Variants in ERBB4 observed in about 807,000 individuals in gnomAD.
ERBB4 encodes erb-b2 receptor tyrosine kinase 4.
ERBB4 carries 42 observed loss-of-function variants against 158.0 expected under a neutral mutation model. The ratio of observed to expected loss-of-function variants is 0.27; its 90% CI spans 0.21 to 0.34. ERBB4 has a LOEUF of 0.34. Ranked by LOEUF, ERBB4 falls within the 10% of genes least tolerant of loss-of-function variation. ERBB4 has a pLI of 1.00. For missense variants in ERBB4, 1,333 were observed against 1,624.1 expected, an observed-to-expected ratio of 0.82 and a Z score of 3.08; for synonymous variants, 583 against 558.7, an observed-to-expected ratio of 1.04 and a Z score of -0.61.
At chr2:211,772,916 CACACA>C (rs2075745884) in intron 4 of ERBB4, among the ~76,000 whole-genome samples, 2 of 63,284 alleles carry the variant, frequency 3.2e-5, no homozygotes, top group Non-Finnish European at 5.7e-5. Flanking sequence ...TATACACACA[CACACA>C]CACATATATA....
intron 4 of ERBB4, among the ~76,000 whole-genome samples, chr2:211,771,734 T>G (rs921573833): frequency 1.3e-5 from 2 of 152,078 alleles, no homozygotes; most frequent in Non-Finnish European, 2.9e-5. Context: ...GTGTGTGTGT[T>G]TTATTCAGCA....
chr2:211,426,697 A>G (rs1486187945), intron 22 of ERBB4, among the ~76,000 whole-genome samples: 2 of 151,646 alleles, frequency 1.3e-5, no homozygotes, highest in Admixed American at 1.3e-4. Flanking sequence ...GAGACTGCCT[A>G]TATATCTTGA....
intron 1 of ERBB4, among the ~76,000 whole-genome samples, chr2:212,169,077 T>C (rs1398748625): frequency 1.3e-5 from 2 of 152,186 alleles, no homozygotes; most frequent in Non-Finnish European, 2.9e-5. Context: ...TTGGAGAATA[T>C]GCAAATCATT....
At chr2:211,758,828 C>G (rs1270561567) in intron 4 of ERBB4, among the ~76,000 whole-genome samples, 1 of 152,184 alleles carries the variant, frequency 6.6e-6, no homozygotes, top group Non-Finnish European at 1.5e-5. Context: ...CAAGGATGTT[C>G]TAAGCATTTT....
chr2:211,387,975 G>T lies in ERBB4; in HGVS notation c.3153C>A (p.Ser1051Arg). The stretch of plus-strand genomic sequence containing the variant: ...ACATGGGGGTGTAGGCAGGAGGAGG[G>T]CTGTGTCCAATTTCACTCTAATAGG... The part of the protein sequence containing the change: ...IDSNRSEIGH[S>R]PPPAYTPMSG... The change falls in exon 26 of 28, where the codon AGC (serine) becomes AGA (arginine). Residue 1051 changes from serine to arginine, a missense_variant. Transcript: ENST00000342788. 1 of 1,606,690 alleles carries T rather than the reference G, an allele frequency of 6.2e-7. No individual in the cohort carries two copies. Among genetic ancestry groups the T allele is most frequent in the Non-Finnish European group, 8.5e-7 (1 of 1,173,422 alleles).
intron 3 of ERBB4, among the ~76,000 whole-genome samples, chr2:211,887,320 T>C (rs527538719): frequency 6.6e-6 from 1 of 151,726 alleles, no homozygotes; most frequent in African/African-American, 2.4e-5. Context: ...AAGTAGTGAT[T>C]AGTTAATGAC....
chr2:212,486,019 G>A (rs1041646502), intron 1 of ERBB4, among the ~76,000 whole-genome samples: 8 of 151,902 alleles, frequency 5.3e-5, no homozygotes, highest in African/African-American at 1.2e-4. Flanking sequence ...CACAGCATAC[G>A]TGATGAGAAA....
At chr2:211,486,956 A>G (rs1001192684) in intron 20 of ERBB4, among the ~76,000 whole-genome samples, 32 of 145,972 alleles carry the variant, frequency 2.2e-4, no homozygotes, top group Non-Finnish European at 3.8e-4. Context: ...ATATTCTTAA[A>G]ATAATCTATT....
chr2:211,521,452 T>C (rs547571475), intron 20 of ERBB4, among the ~76,000 whole-genome samples: 9 of 152,268 alleles, frequency 5.9e-5, no homozygotes, highest in South Asian at 2.1e-4. Flanking sequence ...CAGAGGTTGG[T>C]TCATGAGGTA....
intron 1 of ERBB4, among the ~76,000 whole-genome samples, chr2:212,441,287 G>C (rs750852744): frequency 1.3e-5 from 2 of 152,190 alleles, no homozygotes; most frequent in Non-Finnish European, 2.9e-5. Context: ...ATCTTTGTCT[G>C]AGGAGATAAA....
chr2:211,767,441 C>A, intron 4 of ERBB4, among the ~76,000 whole-genome samples: 1 of 152,230 alleles, frequency 6.6e-6, no homozygotes, highest in East Asian at 1.9e-4. Flanking sequence ...TATTATTTGA[C>A]TCAATATATA....
intron 3 of ERBB4, among the ~76,000 whole-genome samples, chr2:211,835,744 G>A (rs2077327762): frequency 1.3e-5 from 2 of 152,188 alleles, no homozygotes; most frequent in East Asian, 1.9e-4. Context: ...TACTTTGGCT[G>A]AGATGCATTT....
intron 19 of ERBB4, among the ~76,000 whole-genome samples, chr2:211,611,704 A>G (rs1010817507): frequency 6.6e-6 from 1 of 152,098 alleles, no homozygotes; most frequent in Admixed American, 6.5e-5. Context: ...AACAGAAAAT[A>G]AAATAGAGAG....
chr2:211,935,484 T>C (rs2080295907), intron 3 of ERBB4, among the ~76,000 whole-genome samples: 1 of 152,190 alleles, frequency 6.6e-6, no homozygotes, highest in Non-Finnish European at 1.5e-5. Flanking sequence ...GACACCAATT[T>C]CAGGCTCCCT....
At chr2:212,245,146 T>C (rs1360856532) in intron 1 of ERBB4, among the ~76,000 whole-genome samples, 1 of 152,160 alleles carries the variant, frequency 6.6e-6, no homozygotes, top group Non-Finnish European at 1.5e-5. Flanking sequence ...TTCCTGATTA[T>C]TAAGGAAACA....
intron 25 of ERBB4, among the ~76,000 whole-genome samples, chr2:211,390,311 A>T (rs932506537): frequency 6.6e-6 from 1 of 152,244 alleles, no homozygotes; most frequent in African/African-American, 2.4e-5. Context: ...TATCAATTAT[A>T]ATCTAAGATT....
chr2:212,109,661 G>T (rs964652028), intron 2 of ERBB4, among the ~76,000 whole-genome samples: 2 of 152,152 alleles, frequency 1.3e-5, no homozygotes, highest in African/African-American at 4.8e-5. Flanking sequence ...CTAACCAATT[G>T]ATTCTTCTAT....
At chr2:212,127,910 C>T (rs1265311852) in intron 1 of ERBB4, among the ~76,000 whole-genome samples, 1 of 152,152 alleles carries the variant, frequency 6.6e-6, no homozygotes, top group South Asian at 2.1e-4. Context: ...AATGAGCCTG[C>T]TGTCACCTTG....
chr2:212,138,926 T>G (rs1229524734), intron 1 of ERBB4, among the ~76,000 whole-genome samples: 1 of 152,148 alleles, frequency 6.6e-6, no homozygotes, highest in Non-Finnish European at 1.5e-5. Context: ...AATTTGATAT[T>G]ATAGTTAATA....
Sources: allele counts gnomAD v4.1 joint callset (sites outside exome capture counted in the v4.1 genomes callset), GRCh38; gene constraint gnomAD v4.1.1; transcripts MANE v1.5; gene names NCBI Gene and HGNC (gene_info 2026-07-23, HGNC 2026-07-21).